Variants in FHIT observed in about 807,000 individuals in gnomAD.
FHIT encodes the protein bis(5'-adenosyl)-triphosphatase.
FHIT carries 19 observed loss-of-function variants against 17.9 expected under a neutral mutation model. That is an observed-to-expected ratio of 1.06 (90% CI 0.74 to 1.56). The LOEUF (loss-of-function observed/expected upper bound fraction) is 1.56, where lower values mean the gene tolerates loss of function less well. Ranked by LOEUF, FHIT falls within the 40% of genes most tolerant of loss-of-function variation. The pLI, the probability that FHIT is intolerant of heterozygous loss-of-function variation, is 0.00. For synonymous variants in FHIT, 81 were observed against 69.7 expected (o/e 1.16, Z -0.81); for missense variants, 248 against 189.2 (o/e 1.31, Z -1.82).
intron 5 of FHIT, among the ~76,000 whole-genome samples, chr3:60,458,855 G>A (rs998717834): frequency 3.9e-5 from 6 of 152,094 alleles, no homozygotes; most frequent in African/African-American, 1.4e-4. Flanking sequence ...GCTCACTGCA[G>A]CCTTGAACTC....
chr3:60,377,382 C>G (rs759216796), intron 5 of FHIT, among the ~76,000 whole-genome samples: 7 of 149,754 alleles, frequency 4.7e-5, no homozygotes, highest in Non-Finnish European at 7.4e-5. Context: ...TGGTCTCAAT[C>G]TCTTGACCTT....
chr3:60,030,141 T>C (rs566425181), intron 5 of FHIT, among the ~76,000 whole-genome samples: 71 of 152,238 alleles, frequency 4.7e-4, no homozygotes, highest in African/African-American at 1.5e-3. Flanking sequence ...GCTGTTAGCA[T>C]TAAGGTTTCC....
intron 8 of FHIT, among the ~76,000 whole-genome samples, chr3:59,870,690 C>T (rs1027014190): frequency 3.9e-5 from 6 of 152,166 alleles, no homozygotes; most frequent in African/African-American, 1.4e-4. Flanking sequence ...TGTCAAAAAT[C>T]AAAACCAGGG....
At chr3:61,177,085 G>A (rs2038180430) in intron 2 of FHIT, among the ~76,000 whole-genome samples, 1 of 151,894 alleles carries the variant, frequency 6.6e-6, no homozygotes, top group African/African-American at 2.4e-5. Flanking sequence ...GCTGAGGCAG[G>A]AGAATGGTGT....
chr3:60,556,104 T>G (rs1292565772), intron 4 of FHIT, among the ~76,000 whole-genome samples: 3 of 152,190 alleles, frequency 2.0e-5, no homozygotes, highest in African/African-American at 7.2e-5. Flanking sequence ...GTCATTTTCT[T>G]ATAGCTACTT....
chr3:60,467,021 G>A (rs2032834819), intron 5 of FHIT, among the ~76,000 whole-genome samples: 1 of 151,812 alleles, frequency 6.6e-6, no homozygotes, highest in African/African-American at 2.4e-5. Flanking sequence ...TCTTTGCTGA[G>A]CGACTTCATT....
At chr3:60,453,677 G>C (rs1331940910) in intron 5 of FHIT, among the ~76,000 whole-genome samples, 2 of 152,120 alleles carry the variant, frequency 1.3e-5, no homozygotes, top group Non-Finnish European at 2.9e-5. Context: ...CTGGAAAATG[G>C]GGGCCATGAA....
At chr3:60,464,238 TATAAG>T (rs1168004887) in intron 5 of FHIT, among the ~76,000 whole-genome samples, 1 of 152,138 alleles carries the variant, frequency 6.6e-6, no homozygotes, top group African/African-American at 2.4e-5. Context: ...TGTGGGTACA[TATAAG>T]ATATGTTGTA....
intron 4 of FHIT, among the ~76,000 whole-genome samples, chr3:60,569,734 T>TAA (rs1400051089): frequency 0.021 from 916 of 44,070 alleles, 11 homozygotes; most frequent in Admixed American, 0.034. Context: ...ACTATATATA[T>TAA]ATATATATAT....
chr3:60,309,109 G>A (rs997661235), intron 5 of FHIT, among the ~76,000 whole-genome samples: 31 of 152,122 alleles, frequency 2.0e-4, no homozygotes, highest in Admixed American at 1.8e-3. Context: ...TGATTGCTCT[G>A]TAGTTCCATT....
At chr3:60,290,126 A>G (rs142155488) in intron 5 of FHIT, among the ~76,000 whole-genome samples, 22 of 152,242 alleles carry the variant, frequency 1.4e-4, no homozygotes, top group East Asian at 1.2e-3. Context: ...CAGCATTCCA[A>G]TTTGACACCA....
chr3:60,783,217 C>T (rs1553726082), intron 4 of FHIT, among the ~76,000 whole-genome samples: 1 of 152,058 alleles, frequency 6.6e-6, no homozygotes, highest in East Asian at 1.9e-4. Context: ...TATGTTCCAA[C>T]ATACGAATTT....
intron 4 of FHIT, among the ~76,000 whole-genome samples, chr3:60,547,741 G>GA (rs1407644139): frequency 2.0e-5 from 3 of 152,092 alleles, no homozygotes; most frequent in Non-Finnish European, 4.4e-5. Context: ...AAACATAAAA[G>GA]AAACAATGAA....
chr3:61,191,749 A>C (rs1463154393), intron 2 of FHIT, among the ~76,000 whole-genome samples: 3 of 152,024 alleles, frequency 2.0e-5, no homozygotes, highest in Non-Finnish European at 4.4e-5. Context: ...GAGCAGCCAG[A>C]GACCCCACAC....
At chr3:60,598,959 G>T (rs2038355602) in intron 4 of FHIT, among the ~76,000 whole-genome samples, 1 of 152,158 alleles carries the variant, frequency 6.6e-6, no homozygotes, top group Admixed American at 6.5e-5. Context: ...TCTGCCAAGG[G>T]ATTTCCCTAG....
At chr3:61,016,973 A>G (rs939591782) in intron 3 of FHIT, among the ~76,000 whole-genome samples, 4 of 151,966 alleles carry the variant, frequency 2.6e-5, no homozygotes, top group African/African-American at 4.8e-5. Flanking sequence ...ATGCAAGAGT[A>G]GTAATGAGAG....
chr3:60,157,034 T>C (rs1038444754), intron 5 of FHIT, among the ~76,000 whole-genome samples: 13 of 152,176 alleles, frequency 8.5e-5, no homozygotes, highest in African/African-American at 3.1e-4. Flanking sequence ...AAAATAAATA[T>C]GGATTTATAC....
chr3:60,742,989 C>T lies in FHIT; in HGVS notation c.-18+78930G>A, dbSNP rs532373940. The stretch of plus-strand genomic sequence containing the variant: ...GCCCTGAAGGCAAGTTGACAACACC[C>T]AGGCTTGGTTCTCCCTTTTGGAAGA... On this transcript the variant is annotated intron_variant, in intron 4 of 9. Transcript: ENST00000492590. Among the ~76,000 whole-genome samples the T allele has an allele frequency of 2.6e-5, 4 of 152,356 alleles. No individual in the cohort carries two copies. The East Asian group carries it at 7.7e-4, about 29-fold the overall frequency.
At chr3:60,386,632 T>TA (rs1390445334) in intron 5 of FHIT, among the ~76,000 whole-genome samples, 1 of 152,188 alleles carries the variant, frequency 6.6e-6, no homozygotes, top group African/African-American at 2.4e-5. Flanking sequence ...GCCTCTTCTC[T>TA]AAACAATTTC....
Sources: allele counts gnomAD v4.1 joint callset (sites outside exome capture counted in the v4.1 genomes callset), GRCh38; gene constraint gnomAD v4.1.1; transcripts MANE v1.5; gene names NCBI Gene and HGNC (gene_info 2026-07-23, HGNC 2026-07-21).